Variants in NEMP2 observed in about 807,000 individuals in gnomAD.
The protein encoded by NEMP2 is nuclear envelope integral membrane protein 2.
In NEMP2, 53 loss-of-function variants were observed where a neutral mutation model predicts 54.2. The observed-to-expected ratio is 0.98, with a 90% CI of 0.78 to 1.23. The LOEUF (loss-of-function observed/expected upper bound fraction) is 1.23, where lower values mean the gene tolerates loss of function less well. Ranked by LOEUF, NEMP2 falls within the 50% of genes most tolerant of loss-of-function variation. The pLI is 0.00. For missense variants in NEMP2, 455 were observed against 511.3 expected (o/e 0.89, Z 1.06); for synonymous variants, 197 against 190.3 (o/e 1.04, Z -0.29).
the NEMP2 span, among the ~76,000 whole-genome samples, chr2:190,465,465 C>T: frequency 1.3e-5 from 2 of 151,780 alleles, no homozygotes; most frequent in Non-Finnish European, 2.9e-5. This position sits in a 1 kb window ranked among gnomAD's most constrained non-coding sequence, Gnocchi z 4.6. Context: ...CATCAGTGCC[C>T]ATAAGATTAC....
At chr2:190,594,839 C>T in the NEMP2 span, among the ~76,000 whole-genome samples, 2 of 152,028 alleles carry the variant, frequency 1.3e-5, no homozygotes, top group African/African-American at 4.8e-5. The surrounding 1 kb of genome is among the most constrained non-coding windows in gnomAD (Gnocchi z 5.6). Flanking sequence ...TGCTTAATTA[C>T]TACTTTTTCT....
rs925974180 is a variant in NEMP2, at chr2:190,514,586, T to C, written c.820A>G (p.Met274Val). The change falls in exon 7 of 9, where the codon ATG (methionine) becomes GTG (valine). Residue 274 changes from methionine (M) to valine (V), a missense_variant. Around this residue, in one of 3 missense-constraint regions of NEMP2, gnomAD observed 294 missense variants for 333.6 expected, o/e 0.88. Coordinates refer to ENST00000409150, the MANE Select transcript of NEMP2 (RefSeq NM_001142645.2). The surrounding 1 kb of genome is among the most constrained non-coding windows in gnomAD (Gnocchi z 5.7). ...DDRSRSLLMW[M>V]LRLLSLVLVY... ...AGAACCAGGGAGAGGAGTCGCAGCA[T>C]CCACATCAGAAGACTTCTGCTCCTG... is the stretch of plus-strand genomic sequence containing the variant. 3.3e-5 allele frequency: 51 copies of C among 1,551,694 alleles called. 1 individual carries two copies. In the East Asian group the frequency reaches 7.8e-4, roughly 24 times the overall value.
In NEMP2 at chr2:190,514,430, T is replaced by C; in HGVS notation, c.953+23A>G. 1.9e-6 allele frequency: 3 copies of C among 1,539,998 alleles called. 1 individual carries two copies. Among genetic ancestry groups the C allele is most frequent in the South Asian group, 2.4e-5 (2 of 83,488 alleles). On this transcript the variant is annotated intron_variant, in intron 7 of 8. Transcript: ENST00000409150. The surrounding 1 kb of genome is among the most constrained non-coding windows in gnomAD (Gnocchi z 5.7). Reference sequence around the variant, plus strand: ...CTAGAGCTCAAAATGTCAAATTTGCTGGGGGAAAAAAATGATACATACCAC... The same window carrying C: ...CTAGAGCTCAAAATGTCAAATTTGCCGGGGGAAAAAAATGATACATACCAC...
the NEMP2 span, among the ~76,000 whole-genome samples, chr2:190,643,023 G>GTTTTTTTTT: frequency 1.3e-5 from 1 of 79,564 alleles, no homozygotes; most frequent in Non-Finnish European, 2.3e-5. Context: ...AATGGTTAAG[G>GTTTTTTTTT]TTTTTTTTTT....
the NEMP2 span, among the ~76,000 whole-genome samples, chr2:190,427,651 G>C: frequency 2.6e-5 from 4 of 151,932 alleles, no homozygotes; most frequent in African/African-American, 9.7e-5. Context: ...TTATTGTCTA[G>C]GGTTTTTAGT....
chr2:190,610,020 G>T, the NEMP2 span: 1 of 152,130 alleles, frequency 6.6e-6, no homozygotes, highest in Non-Finnish European at 1.5e-5. This position sits in a 1 kb window ranked among gnomAD's most constrained non-coding sequence, Gnocchi z 5.4. Flanking sequence ...AGGAAGAATG[G>T]GGGAAAAGGA....
At chr2:190,575,635 A>T in the NEMP2 span, among the ~76,000 whole-genome samples, 2 of 152,190 alleles carry the variant, frequency 1.3e-5, no homozygotes, top group South Asian at 4.1e-4. Flanking sequence ...CAGGCAGATC[A>T]CTTGAGGTCA....
chr2:190,540,526 A>G, the NEMP2 span, among the ~76,000 whole-genome samples: 1 of 152,310 alleles, frequency 6.6e-6, no homozygotes, highest in African/African-American at 2.4e-5. Context: ...CCTGTGCTCA[A>G]GCAATCCTCC....
chr2:190,510,476 A>G lies in NEMP2; in HGVS notation c.1015T>C (p.Tyr339His), dbSNP rs1344212214. ...GTTTCAGCATCAGCTTGCTCCCTGTACTCGTCTTCCGTAAGATATTTCACC... is the reference window on the plus strand; with the variant it reads ...GTTTCAGCATCAGCTTGCTCCCTGTGCTCGTCTTCCGTAAGATATTTCACC... ...LVVKYLTEDE[Y>H]REQADAETNS... is the part of the protein sequence containing the mutation. The change falls in exon 8 of 9, where the codon TAC becomes CAC. Residue 339 changes from tyrosine to histidine, a missense_variant. By Grantham distance (83) the Tyr-to-His change is moderately conservative. This residue lies in a region of NEMP2 where 294 missense variants were observed against 333.6 expected (regional missense o/e 0.88). Transcript: ENST00000409150. The surrounding 1 kb of genome is among the most constrained non-coding windows in gnomAD (Gnocchi z 5.7). 1 of 1,551,702 alleles carries G rather than the reference A, an allele frequency of 6.4e-7. No homozygotes were observed. Among genetic ancestry groups the G allele is most frequent in the South Asian group, 1.2e-5 (1 of 84,042 alleles).
At chr2:190,581,004 A>G in the NEMP2 span, among the ~76,000 whole-genome samples, 2 of 152,250 alleles carry the variant, frequency 1.3e-5, no homozygotes, top group Non-Finnish European at 2.9e-5. Flanking sequence ...CAGAACAGAT[A>G]GTAACTAATG....
chr2:190,483,041 G>A, the NEMP2 span, among the ~76,000 whole-genome samples: 4 of 151,004 alleles, frequency 2.6e-5, no homozygotes, highest in Non-Finnish European at 4.4e-5. Context: ...ACAGGCGCCT[G>A]CCACCGCGCC....
chr2:190,549,064 T>G, the NEMP2 span, among the ~76,000 whole-genome samples: 21 of 151,856 alleles, frequency 1.4e-4, no homozygotes, highest in African/African-American at 5.1e-4. Context: ...TTCCTTATGA[T>G]ATATCTATTG....
chr2:190,572,833 G>GCTTA, the NEMP2 span, among the ~76,000 whole-genome samples: 41 of 47,866 alleles, frequency 8.6e-4, no homozygotes, highest in Non-Finnish European at 1.2e-3. Context: ...CTTTTCATGA[G>GCTTA]TATATATATA....
chr2:190,552,048 A>C, the NEMP2 span, among the ~76,000 whole-genome samples: 1 of 152,178 alleles, frequency 6.6e-6, no homozygotes, highest in Non-Finnish European at 1.5e-5. Context: ...AAATCGTAAG[A>C]TCTAGATTGC....
the NEMP2 span, among the ~76,000 whole-genome samples, chr2:190,547,153 A>G: frequency 6.3e-3 from 960 of 152,320 alleles, 16 homozygotes; most frequent in African/African-American, 0.022. The surrounding 1 kb of genome is among the most constrained non-coding windows in gnomAD (Gnocchi z 6.2). Flanking sequence ...TACCCTTGCT[A>G]AAAGCGGTGG....
the NEMP2 span, among the ~76,000 whole-genome samples, chr2:190,486,950 T>G: frequency 6.6e-6 from 1 of 152,232 alleles, no homozygotes; most frequent in Non-Finnish European, 1.5e-5. Context: ...TTTTTCCACC[T>G]GTTATCTCTG....
the NEMP2 span, among the ~76,000 whole-genome samples, chr2:190,425,109 G>A: frequency 1.3e-5 from 2 of 152,066 alleles, no homozygotes; most frequent in Non-Finnish European, 2.9e-5. The surrounding 1 kb of genome is among the most constrained non-coding windows in gnomAD (Gnocchi z 4.3). Flanking sequence ...TTTTTAAGCA[G>A]CTGTAAATGG....
At chr2:190,542,724 A>G in the NEMP2 span, among the ~76,000 whole-genome samples, 1 of 152,056 alleles carries the variant, frequency 6.6e-6, no homozygotes, top group Non-Finnish European at 1.5e-5. This position sits in a 1 kb window ranked among gnomAD's most constrained non-coding sequence, Gnocchi z 4.6. Context: ...TAAGATTTCT[A>G]TTTGATTTTT....
chr2:190,431,261 T>G, the NEMP2 span, among the ~76,000 whole-genome samples: 16 of 133,072 alleles, frequency 1.2e-4, no homozygotes, highest in Admixed American at 2.2e-4. The surrounding 1 kb of genome is among the most constrained non-coding windows in gnomAD (Gnocchi z 4.4). Flanking sequence ...TCCCAGAGGA[T>G]GGGCGGCCAG....
Sources: gnomAD v4.1 joint callset for allele counts (sites outside exome capture counted in the v4.1 genomes callset) on GRCh38, gnomAD v4.1.1 for gene constraint, gnomAD v4.1.1 regional missense constraint, Gnocchi (gnomAD v3.1) non-coding constraint, MANE v1.5 for transcripts, NCBI Gene and HGNC (gene_info 2026-07-23, HGNC 2026-07-21) for gene names.